SHISA3: variants seen among roughly 807,000 people sequenced by gnomAD.
SHISA3 encodes the protein protein shisa-3 homolog.
In SHISA3, 15 loss-of-function variants were observed where a neutral mutation model predicts 19.2. The observed-to-expected ratio is 0.78, with a 90% CI of 0.52 to 1.20. The LOEUF is 1.20. Ranked by LOEUF, SHISA3 falls within the 50% of genes most tolerant of loss-of-function variation. SHISA3 has a pLI of 0.00. For missense variants in SHISA3, 327 were observed against 315.7 expected (o/e 1.04, Z -0.27); for synonymous variants, 145 against 135.2 (o/e 1.07, Z -0.50).
chr4:42,399,586 C>T (rs1462596363), intron 1 of SHISA3, among the ~76,000 whole-genome samples: 1 of 152,236 alleles, frequency 6.6e-6, no homozygotes, highest in East Asian at 1.9e-4. Context: ...CCTCTGCGCT[C>T]CCTACTCGGC....
rs1239680348 is a variant in SHISA3, at chr4:42,397,675, G to C, written c.-382G>C. On this transcript the variant is annotated 5_prime_UTR_variant, in exon 1 of 2. Coordinates refer to ENST00000319234, the MANE Select transcript of SHISA3 (RefSeq NM_001080505.3). ...GGGACTCTGTGCGGCGCTGGAGTTG[G>C]CAGCCCCGGGCGCTATGGCTCCCTT... 1.3e-5 allele frequency among the ~76,000 whole-genome samples: 2 copies of C among 152,054 alleles called. No individual in the cohort carries two copies.
intron 1 of SHISA3, among the ~76,000 whole-genome samples, chr4:42,399,688 C>T (rs1711852232): frequency 6.6e-6 from 1 of 152,264 alleles, no homozygotes; most frequent in African/African-American, 2.4e-5. Context: ...GGCTCTGTCA[C>T]TTGCCGGCGG....
Position 42,401,408 on chromosome 4 carries a change from C to T in SHISA3, c.674C>T (p.Pro225Leu), listed in dbSNP as rs1355130760. 3.1e-6 allele frequency: 5 copies of T among 1,602,046 alleles called. No homozygotes were observed. Among genetic ancestry groups the T allele is most frequent in the South Asian group, 1.1e-5 (1 of 87,712 alleles). Residue 225 changes from proline to leucine, a missense_variant, in exon 2 of 2, where the codon CCC (proline) becomes CTC (leucine). Coordinates refer to ENST00000319234, the MANE Select transcript of SHISA3 (RefSeq NM_001080505.3). ...TTCGCTTACCCCCTCCAGCAGGAGC[C>T]CCCACTGCCTGGGAAGAGCTGTCCA... ...QYFAYPLQQEPPLPGKSCPDF... is the reference protein window; with the variant it reads ...QYFAYPLQQELPLPGKSCPDF...
intron 1 of SHISA3, 48 bp from the exon 2 acceptor site, chr4:42,400,964 G>T: frequency 6.4e-7 from 1 of 1,569,864 alleles, no homozygotes; most frequent in South Asian, 1.2e-5. Context: ...TTCAGAATCT[G>T]GGAGATCCTC....
rs1711766083 is a variant in SHISA3 at position 42,397,572 on chromosome 4, C to A, written c.-485C>A. 6.6e-6 allele frequency among the ~76,000 whole-genome samples: 1 copy of A among 152,192 alleles called. No homozygotes were observed. The highest frequency in any genetic ancestry group is 1.5e-5 in the Non-Finnish European group (1 of 68,016). On this transcript the variant is annotated 5_prime_UTR_variant, in exon 1 of 2. Transcript: ENST00000319234. The stretch of plus-strand genomic sequence containing the variant: ...GATAGGGGCTGGGGCTGAGCGGCCG[C>A]CTGTCTGGGGTACTCGCACGTGGGG...
rs1353576409 is a variant in SHISA3, at chr4:42,401,713, C to G, written c.*262C>G. ...TGCTACTTTTATTCAAAATATGCAG[C>G]AGTTTGACTTTAAAGTTGCAAACTG... On this transcript the variant is annotated 3_prime_UTR_variant, in exon 2 of 2. Coordinates refer to ENST00000319234, the MANE Select transcript of SHISA3 (RefSeq NM_001080505.3). The G allele has an allele frequency of 2.5e-6, 1 of 402,944 alleles. No individual in the cohort carries two copies. The allele number at this position is 402,944 out of a possible 1,614,324, so 25.0% of individuals were successfully genotyped here. A position where few individuals can be genotyped will look rare whatever the true frequency, so the allele number is the denominator to read the frequency against.
intron 1 of SHISA3, among the ~76,000 whole-genome samples, chr4:42,400,634 G>A (rs1354489192): frequency 6.6e-6 from 1 of 152,142 alleles, no homozygotes; most frequent in Non-Finnish European, 1.5e-5. Context: ...ACTGCTCACC[G>A]TGATCAAACT....
At chr4:42,398,369 G>A (rs1472129836) in intron 1 of SHISA3, 36 bp downstream of exon 1, 3 of 1,490,728 alleles carry the variant, frequency 2.0e-6, no homozygotes, top group East Asian at 2.5e-5. Flanking sequence ...ATCCCCGCCC[G>A]CCTAACGGCG....
In SHISA3 at chr4:42,398,328, C is replaced by G. The variant is rs763329048; in HGVS notation, c.272C>G (p.Thr91Ser). ...DRRELEHPGI[T>S]AQPVYVPFLI... is the part of the protein sequence containing the mutation. Reference sequence around the variant, plus strand: ...CGCGAACTGGAGCACCCAGGCATCACTGCGCGTAAGTGCGGGGCCCTCGGG... The same window carrying G: ...CGCGAACTGGAGCACCCAGGCATCAGTGCGCGTAAGTGCGGGGCCCTCGGG... The change falls in exon 1 of 2, where the codon ACT becomes AGT. Residue 91 changes from threonine (T) to serine (S), a missense_variant. Coordinates refer to ENST00000319234, the MANE Select transcript of SHISA3 (RefSeq NM_001080505.3). 1 of 1,552,142 alleles carries G rather than the reference C, an allele frequency of 6.4e-7. No individual in the cohort carries two copies. The highest frequency in any genetic ancestry group is 1.2e-5 in the South Asian group (1 of 84,242).
rs760488191 is a variant in SHISA3 at position 42,398,308 on chromosome 4, A to C, written c.252A>C (p.Glu84Asp). ...GCGGCTGCACCAACGACCGCCGCGAACTGGAGCACCCAGGCATCACTGCGC... is the reference window on the plus strand; with the variant it reads ...GCGGCTGCACCAACGACCGCCGCGACCTGGAGCACCCAGGCATCACTGCGC... Reference protein sequence around the residue: ...EQGGCTNDRRELEHPGITAQP... With the variant: ...EQGGCTNDRRDLEHPGITAQP... Residue 84 changes from glutamate to aspartate, a missense_variant, in exon 1 of 2, where the codon GAA (glutamate) becomes GAC (aspartate). Glu to Asp is a conservative substitution (Grantham distance 45). Transcript: ENST00000319234. 6.4e-7 allele frequency: 1 copy of C among 1,561,038 alleles called. No homozygotes were observed. Among genetic ancestry groups the C allele is most frequent in the South Asian group, 1.2e-5 (1 of 85,092 alleles).
At position 42,401,317 on chromosome 4, in the gene SHISA3, C is replaced by T. The variant is rs1368464807; in HGVS notation, c.583C>T (p.Pro195Ser). 3 of 1,614,220 alleles carry T rather than the reference C, an allele frequency of 1.9e-6. No individual in the cohort carries two copies. Among genetic ancestry groups the T allele is most frequent in the Non-Finnish European group, 2.5e-6 (3 of 1,180,038 alleles). ...CTGCCTGGTGCCCTCACCGCCCCCG[C>T]CATACACCACCAGCCACTCAATCCA... ...PGCLVPSPPP[P>S]YTTSHSIHLA... Residue 195 changes from proline (P) to serine (S), a missense_variant, in exon 2 of 2, where the codon CCA becomes TCA. Transcript: ENST00000319234.
In SHISA3 at chr4:42,400,885, A is replaced by C. The variant is rs114716701; in HGVS notation, c.278-127A>C. 1,657 of 933,478 alleles carry C rather than the reference A, an allele frequency of 1.8e-3. 21 individuals carry two copies. In the African/African-American group the frequency reaches 0.025, roughly 14 times the overall value. The allele number at this position is 933,478 out of a possible 1,614,324, so 57.8% of individuals were successfully genotyped here. ...GGAGGTTACCATTAACAAGCTCTGA[A>C]AAACTGAGCTGACAGCAGTGATAGT... On this transcript the variant is annotated intron_variant, in intron 1 of 1. Transcript: ENST00000319234.
At chr4:42,400,302 G>A (rs758759427) in intron 1 of SHISA3, among the ~76,000 whole-genome samples, 21 of 152,332 alleles carry the variant, frequency 1.4e-4, no homozygotes, top group African/African-American at 5.1e-4. Flanking sequence ...TGGACACCAA[G>A]AATTGCCTGG....
intron 1 of SHISA3, 82 bp from the exon 2 acceptor site, chr4:42,400,930 C>T: frequency 7.0e-7 from 1 of 1,429,400 alleles, no homozygotes; most frequent in Non-Finnish European, 9.6e-7. Flanking sequence ...TCCCACCTCT[C>T]AACCCTCAGC....
chr4:42,398,808 T>G (rs1711825485), intron 1 of SHISA3, among the ~76,000 whole-genome samples: 2 of 148,330 alleles, frequency 1.3e-5, no homozygotes, highest in African/African-American at 5.0e-5. Context: ...CCTTCAGGGC[T>G]AAGAAACCCC....
rs909415449 is a variant in SHISA3, at chr4:42,397,951, C to T, written c.-106C>T. 6 of 1,166,460 alleles carry T rather than the reference C, an allele frequency of 5.1e-6. No homozygotes were observed. The highest frequency in any genetic ancestry group is 3.0e-5 in the Admixed American group (1 of 33,526). The allele number at this position is 1,166,460 out of a possible 1,614,324, so 72.3% of individuals were successfully genotyped here. On this transcript the variant is annotated 5_prime_UTR_variant, in exon 1 of 2. Transcript: ENST00000319234. ...TTCGGCCGCCGGGGCCAGCAGCTTG[C>T]GACGTGTCCCTGGGGAGGCGGAATC... is the stretch of plus-strand genomic sequence containing the variant.
intron 1 of SHISA3, among the ~76,000 whole-genome samples, chr4:42,398,780 C>T (rs540230301): frequency 5.9e-5 from 9 of 152,286 alleles, no homozygotes; most frequent in Admixed American, 1.3e-4. Context: ...CGACTCTTGT[C>T]GCGCGCTCAT....
At chr4:42,398,411 G>T in intron 1 of SHISA3, 78 bp downstream of exon 1, 1 of 1,404,986 alleles carries the variant, frequency 7.1e-7, no homozygotes, top group Non-Finnish European at 9.3e-7. Flanking sequence ...AGGATGCACA[G>T]ACCCAGGCAG....
chr4:42,398,475 A>G, intron 1 of SHISA3, 142 bp downstream of exon 1: 2 of 887,098 alleles, frequency 2.3e-6, no homozygotes, highest in Non-Finnish European at 3.3e-6. Context: ...GGGTGGGGGA[A>G]TCAAGGGATG....
Sources: allele counts gnomAD v4.1 joint callset (sites outside exome capture counted in the v4.1 genomes callset), GRCh38; gene constraint gnomAD v4.1.1; transcripts MANE v1.5; gene names NCBI Gene and HGNC (gene_info 2026-07-23, HGNC 2026-07-21).